The following TMEM59 variants were observed in gnomAD, a reference collection of about 807,000 sequenced individuals.
TMEM59 encodes the protein transmembrane protein 59, also known as dendritic cell factor 1.
Under a neutral mutation model 42.2 loss-of-function variants are expected in TMEM59, and 44 were observed. The ratio of observed to expected loss-of-function variants is 1.04; its 90% CI spans 0.82 to 1.34. The LOEUF is 1.34. Ranked by LOEUF, TMEM59 falls within the 40% of genes most tolerant of loss-of-function variation. The probability of loss-of-function intolerance (pLI) is 0.00; values close to 1 mark genes in which losing one functional copy is unlikely to be tolerated. For missense variants in TMEM59, 359 were observed against 382.8 expected, an observed-to-expected ratio of 0.94 and a Z score of 0.52; for synonymous variants, 148 against 145.8, an observed-to-expected ratio of 1.02 and a Z score of -0.11.
At position 54,043,514 on chromosome 1, in the gene TMEM59, C is replaced by A; in HGVS notation, c.402G>T (p.Leu134=). The A allele has an allele frequency of 6.7e-7, 1 of 1,500,172 alleles. No homozygotes were observed. Among genetic ancestry groups the A allele is most frequent in the Admixed American group, 2.2e-5 (1 of 44,640 alleles). The allele number at this position is 1,500,172 out of a possible 1,614,324, so 92.9% of individuals were successfully genotyped here. A position where few individuals can be genotyped will look rare whatever the true frequency, so the allele number is the denominator to read the frequency against. Residue 134 remains leucine, a synonymous_variant, in exon 4 of 8, where the codon CTG becomes CTT. Transcript: ENST00000234831. ...GAAAGAGTAGGTGCATTTTTGGCAT[C>A]AGGGACATAAGCTAAAAATAAAATA... is the stretch of plus-strand genomic sequence containing the variant. ...AELRQEQLMS[L]MPKMHLLFPL... is the part of the protein sequence containing the mutation.
In TMEM59 at chr1:54,026,856, CAA is replaced by C. The variant is rs1489817736; in HGVS notation, c.*5292_*5293del. ...AATCAGGTGCTGATTTTTTTCCACCCAAGTCTTCAATTATTACTGTTCTAACA... is the reference window on the plus strand; with the variant it reads ...AATCAGGTGCTGATTTTTTTCCACCCGTCTTCAATTATTACTGTTCTAACA... On this transcript the variant is annotated 3_prime_UTR_variant, in exon 8 of 8. Coordinates refer to ENST00000234831, the MANE Select transcript of TMEM59 (RefSeq NM_004872.5). The C allele has an allele frequency of 6.6e-6, 1 of 152,028 alleles. No homozygotes were observed. The highest frequency in any genetic ancestry group is 1.9e-4 in the East Asian group (1 of 5,196). 9.4% of individuals were successfully genotyped at this position (152,028 alleles called of 1,614,324 possible).
Position 54,032,097 on chromosome 1 carries a change from T to G in TMEM59, c.*53A>C. The G allele has an allele frequency of 4.4e-5, 67 of 1,519,946 alleles. No homozygotes were observed. Among genetic ancestry groups the G allele is most frequent in the Non-Finnish European group, 5.4e-5 (61 of 1,125,454 alleles). 94.2% of individuals were successfully genotyped at this position (1,519,946 alleles called of 1,614,324 possible). ...CAATGAAACCATTTTAAAAGCTCTA[T>G]GAGGAGTGGAATTTTAGATGTCTAT... On this transcript the variant is annotated 3_prime_UTR_variant, in exon 8 of 8. Transcript: ENST00000234831.
intron 7 of TMEM59, among the ~76,000 whole-genome samples, chr1:54,036,078 G>C (rs1656939569): frequency 6.6e-6 from 1 of 152,172 alleles, no homozygotes; most frequent in Non-Finnish European, 1.5e-5. Context: ...GAGATCAGGA[G>C]TTCAGGACCA....
chr1:54,036,212 C>T (rs1013418621), intron 7 of TMEM59, among the ~76,000 whole-genome samples: 5 of 151,828 alleles, frequency 3.3e-5, no homozygotes, highest in African/African-American at 1.2e-4. Flanking sequence ...ACCTAGGAAG[C>T]AGAGGTTGCA....
rs139615787 is a variant in TMEM59 at position 54,028,045 on chromosome 1, G to A, written c.*4105C>T. 4.6e-5 allele frequency: 7 copies of A among 152,352 alleles called. No homozygotes were observed. The highest frequency in any genetic ancestry group is 1.2e-4 in the African/African-American group (5 of 41,556). The allele number at this position is 152,352 out of a possible 1,614,324, so 9.4% of individuals were successfully genotyped here. On this transcript the variant is annotated 3_prime_UTR_variant, in exon 8 of 8. Coordinates refer to ENST00000234831, the MANE Select transcript of TMEM59 (RefSeq NM_004872.5). The stretch of plus-strand genomic sequence containing the variant: ...TGATACCCAAATGCAAACATGACAC[G>A]CTTAGCAACTGGAAACCTGGTGGGA...
chr1:54,045,241 GA>G (rs1193822972), intron 3 of TMEM59, among the ~76,000 whole-genome samples: 1 of 150,686 alleles, frequency 6.6e-6, no homozygotes, highest in Non-Finnish European at 1.5e-5. Context: ...ATGAAATTTA[GA>G]AAAAAAAATC....
chr1:54,035,007 A>C (rs1656899692), intron 7 of TMEM59: 1 of 152,204 alleles, frequency 6.6e-6, no homozygotes, highest in African/African-American at 2.4e-5. Context: ...GAGGTAGGAG[A>C]CTGAGGAGAT....
chr1:54,045,714 A>C lies in TMEM59; in HGVS notation c.368T>G (p.Phe123Cys), dbSNP rs759195672. 6.8e-6 allele frequency: 11 copies of C among 1,614,122 alleles called. No homozygotes were observed. In the South Asian group the frequency reaches 1.1e-4, roughly 16 times the overall value. Reference protein sequence around the residue: ...CHLGCQNQLPFAELRQEQLMS... With the variant: ...CHLGCQNQLPCAELRQEQLMS... ...TACTTGTTCTTGTCTCAGTTCAGCG[A>C]ATGGCAGCTGATTCTGGCAACCAAG... Residue 123 changes from phenylalanine to cysteine, a missense_variant, in exon 3 of 8, where the codon TTC becomes TGC. Transcript: ENST00000234831.
chr1:54,052,119 C>A (rs903395975), intron 1 of TMEM59, among the ~76,000 whole-genome samples: 3 of 152,048 alleles, frequency 2.0e-5, no homozygotes, highest in Non-Finnish European at 2.9e-5. Flanking sequence ...CATAAAACAA[C>A]GTGGGGGAGG....
At chr1:54,049,878 A>C (rs1416620137) in intron 1 of TMEM59, among the ~76,000 whole-genome samples, 5 of 152,214 alleles carry the variant, frequency 3.3e-5, no homozygotes, top group Non-Finnish European at 5.9e-5. Context: ...ACAGTAATCA[A>C]GGAGCTGGGA....
At chr1:54,045,214 GAC>G (rs1448145423) in intron 3 of TMEM59, among the ~76,000 whole-genome samples, 1 of 152,118 alleles carries the variant, frequency 6.6e-6, no homozygotes, top group Non-Finnish European at 1.5e-5. Flanking sequence ...GATTATATAA[GAC>G]AGGAGAATGG....
rs1266210436 is a variant in TMEM59 at position 54,030,060 on chromosome 1, T to C, written c.*2090A>G. 1 of 151,658 alleles carries C rather than the reference T, an allele frequency of 6.6e-6. No homozygotes were observed. Among genetic ancestry groups the C allele is most frequent in the Non-Finnish European group, 1.5e-5 (1 of 67,986 alleles). 9.4% of individuals were successfully genotyped at this position (151,658 alleles called of 1,614,324 possible). ...AATACTTTCAAGAGAAATGAAGGTA[T>C]CTCAGGCACTTCTCATTCAGGAAGC... On this transcript the variant is annotated 3_prime_UTR_variant, in exon 8 of 8. Coordinates refer to ENST00000234831, the MANE Select transcript of TMEM59 (RefSeq NM_004872.5).
chr1:54,034,306 A>C (rs1656872657), intron 7 of TMEM59: 1 of 152,224 alleles, frequency 6.6e-6, no homozygotes, highest in African/African-American at 2.4e-5. Context: ...GCAATTACTA[A>C]GAGTATAGAT....
At chr1:54,036,756 T>G in intron 6 of TMEM59, 38 bp from the exon 7 acceptor site, 1 of 1,433,962 alleles carries the variant, frequency 7.0e-7, no homozygotes, top group South Asian at 1.3e-5. Flanking sequence ...ATATTAAAAT[T>G]TTATAAGAAA....
chr1:54,050,345 A>C (rs1012085818), intron 1 of TMEM59, among the ~76,000 whole-genome samples: 1 of 151,188 alleles, frequency 6.6e-6, no homozygotes, highest in African/African-American at 2.4e-5. Context: ...CTGATCTTGA[A>C]CTCCTGACCA....
rs953012337 is a variant in TMEM59 at position 54,036,799 on chromosome 1, T to G, written c.708-81A>C. On this transcript the variant is annotated intron_variant, in intron 6 of 7. Transcript: ENST00000234831. Reference sequence around the variant, plus strand: ...TTCTTAATTAGTCAACCTTATGTACTTAGCTCAACAGTACAATTAAAACTT... The same window carrying G: ...TTCTTAATTAGTCAACCTTATGTACGTAGCTCAACAGTACAATTAAAACTT... The G allele has an allele frequency of 6.8e-6, 6 of 885,204 alleles. No homozygotes were observed. In the African/African-American group the frequency reaches 1.0e-4, roughly 15 times the overall value. 54.8% of individuals were successfully genotyped at this position (885,204 alleles called of 1,614,324 possible).
chr1:54,053,262 A>G, upstream of TMEM59: 1 of 1,547,656 alleles, frequency 6.5e-7, no homozygotes, highest in South Asian at 1.2e-5. Context: ...TCCTGGGGCC[A>G]GCCCCCTTCT....
chr1:54,036,774 T>C, intron 6 of TMEM59, 56 bp from the exon 7 acceptor site: 1 of 1,259,522 alleles, frequency 7.9e-7, no homozygotes, highest in South Asian at 1.4e-5. Context: ...AAACAGGAAA[T>C]TCTTAATTAG....
At chr1:54,042,000 G>C (rs573469473) in intron 4 of TMEM59, among the ~76,000 whole-genome samples, 195 bp from the exon 5 acceptor site, 1 of 149,208 alleles carries the variant, frequency 6.7e-6, no homozygotes, top group East Asian at 2.0e-4. Flanking sequence ...GCCTTGCAAA[G>C]AAACAGATTT....
Sources: gnomAD v4.1 joint callset for allele counts (sites outside exome capture counted in the v4.1 genomes callset) on GRCh38, gnomAD v4.1.1 for gene constraint, MANE v1.5 for transcripts, NCBI Gene and HGNC (gene_info 2026-07-23, HGNC 2026-07-21) for gene names.